Variants in DTNA observed in about 807,000 individuals in gnomAD.
DTNA encodes the protein dystrophin-related protein 3.
A neutral mutation model predicts 100.7 loss-of-function variants in DTNA; 43 were observed. The ratio of observed to expected loss-of-function variants is 0.43; its 90% confidence interval spans 0.33 to 0.55. The LOEUF is 0.55. Ranked by LOEUF, DTNA falls within the 20% of genes least tolerant of loss-of-function variation. The pLI is 0.04. For synonymous variants in DTNA, 349 were observed against 347.9 expected, an observed-to-expected ratio of 1.00 and a Z score of -0.04; for missense variants, 798 against 953.9, an observed-to-expected ratio of 0.84 and a Z score of 2.15.
At chr18:34,716,825 G>A (rs915248629) in intron 1 of DTNA, among the ~76,000 whole-genome samples, 2 of 152,156 alleles carry the variant, frequency 1.3e-5, no homozygotes, top group African/African-American at 4.8e-5. Context: ...ATGTATATGT[G>A]TTTGTCTTCA....
At chr18:34,698,780 C>T (rs540068692) in intron 1 of DTNA, among the ~76,000 whole-genome samples, 27 of 152,190 alleles carry the variant, frequency 1.8e-4, no homozygotes, top group Admixed American at 9.2e-4. Context: ...AATCTTTCCA[C>T]GTTCTTTTGC....
At chr18:34,764,309 T>G (rs967459082) in intron 2 of DTNA, among the ~76,000 whole-genome samples, 3 of 152,190 alleles carry the variant, frequency 2.0e-5, no homozygotes, top group Non-Finnish European at 4.4e-5. Context: ...AAGGAAAAAC[T>G]TGGTGAAACT....
intron 1 of DTNA, among the ~76,000 whole-genome samples, chr18:34,689,106 A>G (rs2079347123): frequency 6.6e-6 from 1 of 151,970 alleles, no homozygotes; most frequent in African/African-American, 2.4e-5. Flanking sequence ...TTTACCTCAG[A>G]GGAGTTTGTT....
chr18:34,710,176 G>A (rs771757538), upstream of DTNA: 2 of 152,118 alleles, frequency 1.3e-5, no homozygotes, highest in Admixed American at 1.3e-4. Context: ...GTCAGGGTGG[G>A]TGGAGGGGAA....
intron 1 of DTNA, among the ~76,000 whole-genome samples, chr18:34,702,103 T>C (rs908882469): frequency 1.3e-5 from 2 of 152,210 alleles, no homozygotes; most frequent in African/African-American, 4.8e-5. Flanking sequence ...ATCTGCACAG[T>C]GCTCCAGCCA....
At chr18:34,542,137 G>A (rs981322692) in intron 1 of DTNA, among the ~76,000 whole-genome samples, 3 of 151,970 alleles carry the variant, frequency 2.0e-5, no homozygotes, top group African/African-American at 7.2e-5. Context: ...CCAGGAACAT[G>A]TACTAAGTTG....
At chr18:34,616,055 G>T (rs2055216275) in intron 1 of DTNA, among the ~76,000 whole-genome samples, 1 of 152,162 alleles carries the variant, frequency 6.6e-6, no homozygotes, top group African/African-American at 2.4e-5. Context: ...ACATACATGT[G>T]CATGTATCTT....
chr18:34,747,182 A>G (rs531288788), intron 1 of DTNA, among the ~76,000 whole-genome samples: 1 of 151,904 alleles, frequency 6.6e-6, no homozygotes, highest in African/African-American at 2.4e-5. Flanking sequence ...GCTCAAAGTA[A>G]ATTTTAAGGT....
chr18:34,724,567 T>C (rs2086143464), intron 1 of DTNA, among the ~76,000 whole-genome samples: 1 of 152,062 alleles, frequency 6.6e-6, no homozygotes, highest in Non-Finnish European at 1.5e-5. Context: ...TGGTACAAGG[T>C]GAAAGGGAAA....
chr18:34,775,258 G>T (rs545633737), intron 3 of DTNA, among the ~76,000 whole-genome samples: 1 of 152,102 alleles, frequency 6.6e-6, no homozygotes, highest in Non-Finnish European at 1.5e-5. Flanking sequence ...AGGCCGAGGC[G>T]GGCGGATCAC....
At chr18:34,563,314 C>T (rs1451287564) in intron 1 of DTNA, among the ~76,000 whole-genome samples, 1 of 152,212 alleles carries the variant, frequency 6.6e-6, no homozygotes, top group Non-Finnish European at 1.5e-5. Context: ...GGATTGCTGC[C>T]ATCCACCTTG....
chr18:34,539,132 G>A (rs1287326248), intron 1 of DTNA, among the ~76,000 whole-genome samples: 1 of 151,742 alleles, frequency 6.6e-6, no homozygotes, highest in Non-Finnish European at 1.5e-5. Context: ...AAATGATCAA[G>A]AATATGCATT....
chr18:34,580,868 A>G (rs930606794), intron 1 of DTNA, among the ~76,000 whole-genome samples: 3 of 152,252 alleles, frequency 2.0e-5, no homozygotes, highest in African/African-American at 7.2e-5. Context: ...TGTGGAAAGG[A>G]GTTAACAGGC....
intron 1 of DTNA, among the ~76,000 whole-genome samples, chr18:34,524,844 C>T (rs1479731872): frequency 1.3e-5 from 2 of 151,944 alleles, no homozygotes; most frequent in Admixed American, 1.3e-4. Context: ...TTGTGTCCAA[C>T]CGATAGAGGA....
At chr18:34,592,599 G>T (rs2049864542) in intron 1 of DTNA, among the ~76,000 whole-genome samples, 1 of 151,762 alleles carries the variant, frequency 6.6e-6, no homozygotes, top group Admixed American at 6.6e-5. Flanking sequence ...ACTCTCTCCT[G>T]TTTGGTTGAA....
intron 1 of DTNA, chr18:34,558,015 A>T (rs1172139329): frequency 1.8e-4 from 27 of 153,178 alleles, no homozygotes; most frequent in African/African-American, 5.1e-4. Flanking sequence ...GCTAGCAATC[A>T]GCGAGACTCC....
At chr18:34,674,654 C>T (rs2077177334) in intron 1 of DTNA, among the ~76,000 whole-genome samples, 1 of 152,202 alleles carries the variant, frequency 6.6e-6, no homozygotes, top group Non-Finnish European at 1.5e-5. Context: ...TACTGCCACT[C>T]TGTACAGGAA....
intron 13 of DTNA, among the ~76,000 whole-genome samples, chr18:34,844,829 C>T (rs1009274681): frequency 1.3e-5 from 2 of 152,140 alleles, no homozygotes; most frequent in Non-Finnish European, 2.9e-5. Context: ...AAAATCTTTG[C>T]TAAATCACAC....
intron 4 of DTNA, among the ~76,000 whole-genome samples, chr18:34,800,395 A>G (rs1183680251): frequency 6.6e-6 from 1 of 152,212 alleles, no homozygotes; most frequent in African/African-American, 2.4e-5. Context: ...TTTCATCTGT[A>G]TATCCCCAAC....
Sources: allele counts gnomAD v4.1 joint callset (sites outside exome capture counted in the v4.1 genomes callset), GRCh38; gene constraint gnomAD v4.1.1; transcripts MANE v1.5; gene names NCBI Gene and HGNC (gene_info 2026-07-23, HGNC 2026-07-21).